BTBD9: variants seen among roughly 807,000 people sequenced by gnomAD.
BTBD9 encodes the protein BTB domain containing 9.
BTBD9 carries 49 observed loss-of-function variants against 64.3 expected under a neutral mutation model. The ratio of observed to expected loss-of-function variants is 0.76; its 90% CI spans 0.61 to 0.97. The LOEUF (loss-of-function observed/expected upper bound fraction) is 0.97. Among genes scored for constraint, BTBD9 ranks in the 50% least tolerant of loss-of-function variants. BTBD9 has a pLI of 0.00. For synonymous variants in BTBD9, 260 were observed against 274.7 expected, an observed-to-expected ratio of 0.95 and a Z score of 0.53; for missense variants, 598 against 762.1, an observed-to-expected ratio of 0.78 and a Z score of 2.53.
chr6:38,625,094 T>C (rs1778124257), intron 1 of BTBD9, among the ~76,000 whole-genome samples: 1 of 151,526 alleles, frequency 6.6e-6, no homozygotes, highest in African/African-American at 2.4e-5. Context: ...TTGAAATTAA[T>C]TCTCACAATT....
chr6:38,479,577 A>G (rs1302018894), intron 6 of BTBD9, among the ~76,000 whole-genome samples: 3 of 151,814 alleles, frequency 2.0e-5, no homozygotes, highest in African/African-American at 7.3e-5. Context: ...ATGAGGTAAC[A>G]CTCCCTTTCT....
intron 9 of BTBD9, chr6:38,207,228 C>T: frequency 5.0e-6 from 1 of 201,238 alleles, no homozygotes; most frequent in Non-Finnish European, 1.1e-5. Flanking sequence ...GGAGGAAATG[C>T]AAGAGATCTC....
chr6:38,367,922 A>T (rs1265860684), intron 6 of BTBD9, among the ~76,000 whole-genome samples: 1 of 150,566 alleles, frequency 6.6e-6, no homozygotes, highest in Non-Finnish European at 1.5e-5. Flanking sequence ...CAGAGAGTAT[A>T]TGTGTGTAGT....
intron 6 of BTBD9, among the ~76,000 whole-genome samples, chr6:38,543,530 T>C (rs1475439087): frequency 1.3e-5 from 2 of 152,162 alleles, no homozygotes; most frequent in Non-Finnish European, 2.9e-5. Context: ...TCAATACCCA[T>C]TTACAATTCA....
chr6:38,392,277 G>GAA (rs200877683), intron 6 of BTBD9, among the ~76,000 whole-genome samples: 1 of 148,874 alleles, frequency 6.7e-6, no homozygotes, highest in African/African-American at 2.5e-5. Context: ...TTTAAAAAAA[G>GAA]AAAAAAAAAA....
intron 9 of BTBD9, among the ~76,000 whole-genome samples, chr6:38,243,662 G>A (rs1199406223): frequency 6.6e-6 from 1 of 152,174 alleles, no homozygotes; most frequent in Non-Finnish European, 1.5e-5. Flanking sequence ...CAGGGGAAGG[G>A]AGCTACAACA....
intron 6 of BTBD9, among the ~76,000 whole-genome samples, chr6:38,548,329 C>G (rs528866184): frequency 6.6e-6 from 1 of 152,256 alleles, no homozygotes; most frequent in South Asian, 2.1e-4. Flanking sequence ...ATGAAGTATG[C>G]CATTGGAATC....
At chr6:38,520,072 T>G (rs12527568) in intron 6 of BTBD9, among the ~76,000 whole-genome samples, 27,989 of 151,896 alleles carry the variant, frequency 0.18, 2,617 homozygotes, top group Middle Eastern at 0.25. Flanking sequence ...TACACACACA[T>G]GCATATGCAT....
chr6:38,585,964 A>ACACACG, intron 4 of BTBD9, among the ~76,000 whole-genome samples: 1 of 151,904 alleles, frequency 6.6e-6, no homozygotes, highest in Admixed American at 6.6e-5. Flanking sequence ...ACACACACAC[A>ACACACG]CACACACACA....
intron 6 of BTBD9, among the ~76,000 whole-genome samples, chr6:38,395,503 C>A (rs1216224633): frequency 6.6e-6 from 1 of 152,202 alleles, no homozygotes; most frequent in African/African-American, 2.4e-5. Context: ...AAATGGCCCT[C>A]ACCAGATGCC....
intron 6 of BTBD9, among the ~76,000 whole-genome samples, chr6:38,572,763 T>C (rs1775830110): frequency 6.9e-6 from 1 of 145,816 alleles, no homozygotes; most frequent in South Asian, 2.1e-4. Context: ...GATATAAGGC[T>C]TAAAAAAAAA....
At chr6:38,599,913 G>A (rs918300603) in intron 1 of BTBD9, among the ~76,000 whole-genome samples, 1 of 152,170 alleles carries the variant, frequency 6.6e-6, no homozygotes, top group South Asian at 2.1e-4. Flanking sequence ...CAAAATCCTG[G>A]TTCTCTACAG....
rs1403049844 is a variant in BTBD9, at chr6:38,170,379, G to A, written c.*4606C>T. ...CCTCAGTGGTGCAGCCAAGAGCCAG[G>A]AAGGGCACAGCCTCTTTCCTCCTCC... is the stretch of plus-strand genomic sequence containing the variant. On this transcript the variant is annotated 3_prime_UTR_variant, in exon 11 of 11. Coordinates refer to ENST00000481247, the MANE Select transcript of BTBD9 (RefSeq NM_001099272.2). 6 of 152,870 alleles carry A rather than the reference G, an allele frequency of 3.9e-5. No homozygotes were observed. The Admixed American group carries it at 3.9e-4, about 10-fold the overall frequency. 9.5% of individuals were successfully genotyped at this position (152,870 alleles called of 1,614,324 possible). A position where few individuals can be genotyped will look rare whatever the true frequency, so the allele number is the denominator to read the frequency against.
At chr6:38,384,812 A>G (rs1370133833) in intron 6 of BTBD9, among the ~76,000 whole-genome samples, 1 of 152,190 alleles carries the variant, frequency 6.6e-6, no homozygotes, top group East Asian at 1.9e-4. Flanking sequence ...TAAACTGACA[A>G]AAATATACTT....
rs114644870 is a variant in BTBD9, at chr6:38,195,591, C to T, written c.1563-2994G>A. 7.5e-3 allele frequency among the ~76,000 whole-genome samples: 1,138 copies of T among 152,260 alleles called. 13 individuals carry two copies. The highest frequency in any genetic ancestry group is 0.023 in the African/African-American group (973 of 41,552). On this transcript the variant is annotated intron_variant, in intron 9 of 10. Coordinates refer to ENST00000481247, the MANE Select transcript of BTBD9 (RefSeq NM_001099272.2). Reference sequence around the variant, plus strand: ...CCATACTGGCTCTGACTGGATGAACCGTTACCCTCTCCGGAATGCTGACAG... The same window carrying T: ...CCATACTGGCTCTGACTGGATGAACTGTTACCCTCTCCGGAATGCTGACAG...
chr6:38,288,111 G>A (rs13206894), intron 8 of BTBD9, among the ~76,000 whole-genome samples, 161 bp downstream of exon 8: 2,207 of 152,210 alleles, frequency 0.014, 35 homozygotes, highest in Middle Eastern at 0.054. Flanking sequence ...GCTATATCTC[G>A]TTGTTGTCCC....
At chr6:38,583,150 C>A (rs1291225105) in intron 4 of BTBD9, among the ~76,000 whole-genome samples, 5 of 152,218 alleles carry the variant, frequency 3.3e-5, no homozygotes, top group Non-Finnish European at 7.3e-5. Flanking sequence ...GGTGCAAAGT[C>A]TGTTGCTGCT....
chr6:38,249,578 C>A (rs1008522228), intron 9 of BTBD9, among the ~76,000 whole-genome samples: 3 of 151,884 alleles, frequency 2.0e-5, no homozygotes, highest in Non-Finnish European at 4.4e-5. Flanking sequence ...GCTCAACAGA[C>A]CCAAACAAGC....
intron 9 of BTBD9, chr6:38,207,326 T>C: frequency 4.3e-6 from 1 of 233,110 alleles, no homozygotes; most frequent in South Asian, 4.3e-5. Flanking sequence ...ATATGAGTTC[T>C]AAAATTACAC....
Sources: gnomAD v4.1 joint callset for allele counts (sites outside exome capture counted in the v4.1 genomes callset) on GRCh38, gnomAD v4.1.1 for gene constraint, MANE v1.5 for transcripts, NCBI Gene and HGNC (gene_info 2026-07-23, HGNC 2026-07-21) for gene names.